Variants in SP140 observed in about 807,000 individuals in gnomAD.
SP140 encodes the protein SP140 nuclear body protein, also known as nuclear body protein SP140.
In SP140, 81 loss-of-function variants were observed where a neutral mutation model predicts 125.0. The ratio of observed to expected loss-of-function variants is 0.65; its 90% CI spans 0.54 to 0.78. SP140 has a LOEUF of 0.78. SP140 is among the 30% of genes least tolerant of loss of function. SP140 has a pLI of 0.00. For missense variants in SP140, 858 were observed against 1,037.0 expected, an observed-to-expected ratio of 0.83 and a Z score of 2.37; for synonymous variants, 312 against 354.0, an observed-to-expected ratio of 0.88 and a Z score of 1.33.
chr2:230,236,813 G>C (rs1245353382), intron 1 of SP140, among the ~76,000 whole-genome samples: 1 of 152,158 alleles, frequency 6.6e-6, no homozygotes, highest in Non-Finnish European at 1.5e-5. Context: ...AGAGAGTTCA[G>C]GTGAAGGTCT....
chr2:230,225,992 CTACAGGTA>C (rs2046279636), intron 1 of SP140, 89 bp downstream of exon 1: 1 of 969,148 alleles, frequency 1.0e-6, no homozygotes, highest in East Asian at 2.5e-5. Context: ...CAGCTTCACT[CTACAGGTA>C]TACAATAGAA....
chr2:230,314,076 C>G (rs1167848248), downstream of SP140, among the ~76,000 whole-genome samples: 1 of 152,122 alleles, frequency 6.6e-6, no homozygotes, highest in African/African-American at 2.4e-5. Flanking sequence ...AGTCAAACTT[C>G]AGAGAAGACT....
At chr2:230,310,627 C>T in intron 23 of SP140, 116 bp from the exon 24 acceptor site, 1 of 1,575,260 alleles carries the variant, frequency 6.3e-7, no homozygotes, top group Non-Finnish European at 8.6e-7. Context: ...GAGGTGTTCC[C>T]CTCCCTCCCA....
chr2:230,199,153 T>A (rs1224585307), upstream of SP140, among the ~76,000 whole-genome samples: 755 of 107,818 alleles, frequency 7.0e-3, 5 homozygotes, highest in African/African-American at 0.028. Flanking sequence ...TTATTATTTT[T>A]TTTTTTTTTT....
At chr2:230,269,788 A>C (rs914578047) in intron 13 of SP140, 49 bp from the exon 14 acceptor site, 3 of 1,431,372 alleles carry the variant, frequency 2.1e-6, no homozygotes, top group Non-Finnish European at 2.9e-6. Context: ...CAGAAAATAG[A>C]GTCACTGGGT....
chr2:230,210,668 A>G (rs975268344), intron 1 of SP140, among the ~76,000 whole-genome samples: 39 of 152,330 alleles, frequency 2.6e-4, no homozygotes, highest in African/African-American at 9.1e-4. Context: ...TTTTTGCTGC[A>G]CAAAGAAAGA....
chr2:230,265,239 G>A (rs2052897699), intron 12 of SP140, among the ~76,000 whole-genome samples: 1 of 152,034 alleles, frequency 6.6e-6, no homozygotes, highest in Non-Finnish European at 1.5e-5. Flanking sequence ...GGTTGTCAGG[G>A]AAATGGGGGA....
intron 12 of SP140, among the ~76,000 whole-genome samples, chr2:230,257,041 C>CAG (rs567532515): frequency 8.2e-4 from 124 of 152,128 alleles, no homozygotes; most frequent in Non-Finnish European, 1.3e-3. Context: ...AAAGAAAGAG[C>CAG]AGAGACCAGT....
chr2:230,256,872 T>G (rs1233107527), intron 12 of SP140, among the ~76,000 whole-genome samples: 1 of 152,210 alleles, frequency 6.6e-6, no homozygotes, highest in African/African-American at 2.4e-5. Context: ...CATTATGTCA[T>G]TGGATCATGC....
chr2:230,293,640 AACAGTATTTTAG>A (rs1400267923), intron 20 of SP140, among the ~76,000 whole-genome samples: 2 of 152,010 alleles, frequency 1.3e-5, no homozygotes, highest in Non-Finnish European at 2.9e-5. Flanking sequence ...CCCGCCATAA[AACAGTATTTTAG>A]ACAGCCACGG....
At chr2:230,233,763 C>T (rs1946410) in intron 1 of SP140, among the ~76,000 whole-genome samples, 26,515 of 152,052 alleles carry the variant, frequency 0.17, 2,424 homozygotes, top group Middle Eastern at 0.26. Flanking sequence ...CATTTTTATA[C>T]GTCTTTTAAA....
At chr2:230,285,073 G>A (rs1273711989) in intron 16 of SP140, among the ~76,000 whole-genome samples, 1 of 152,160 alleles carries the variant, frequency 6.6e-6, no homozygotes, top group East Asian at 1.9e-4. Context: ...AAGACTAGGA[G>A]AATATTTTTG....
intron 15 of SP140, among the ~76,000 whole-genome samples, chr2:230,283,376 C>T (rs994170581): frequency 2.0e-5 from 3 of 152,138 alleles, no homozygotes; most frequent in South Asian, 2.1e-4. Flanking sequence ...TTTCCATCTA[C>T]AAAATTAGAT....
chr2:230,225,111 G>T (rs1371407866), upstream of SP140, among the ~76,000 whole-genome samples: 1 of 152,154 alleles, frequency 6.6e-6, no homozygotes, highest in Non-Finnish European at 1.5e-5. Context: ...TGAGAAGGCT[G>T]TCACTCTCCT....
intron 18 of SP140, among the ~76,000 whole-genome samples, chr2:230,288,504 TC>T (rs1363106784): frequency 2.1e-4 from 25 of 121,708 alleles, no homozygotes; most frequent in African/African-American, 7.0e-4. Flanking sequence ...TTTCTTTCTT[TC>T]TTTCTTTCTT....
Position 230,310,779 on chromosome 2 carries a change from G to A in SP140, c.2211G>A (p.Glu737=), listed in dbSNP as rs1355765865. ...ATTGCATCTTCTGCAGGATGAAGGAGTCTCCGGGAAGCCAACAGTGTTGTC... is the reference window on the plus strand; with the variant it reads ...ATTGCATCTTCTGCAGGATGAAGGAATCTCCGGGAAGCCAACAGTGTTGTC... ...PWNCIFCRMK[E]SPGSQQCCQE... is the part of the protein sequence containing the mutation. Residue 737 remains glutamate (E), a synonymous_variant, in exon 24 of 27, where the codon GAG becomes GAA. Transcript: ENST00000392045. 3 of 1,534,064 alleles carry A rather than the reference G, an allele frequency of 2.0e-6. No individual in the cohort carries two copies. The highest frequency in any genetic ancestry group is 2.4e-5 in the South Asian group (2 of 84,484).
intron 3 of SP140, chr2:230,215,139 T>C: frequency 2.5e-6 from 4 of 1,597,302 alleles, no homozygotes; most frequent in Non-Finnish European, 3.4e-6. Flanking sequence ...GGAGTGAAGG[T>C]TTTTATAAAT....
intron 22 of SP140, among the ~76,000 whole-genome samples, 164 bp downstream of exon 22, chr2:230,297,626 G>T (rs13405136): frequency 0.54 from 82,136 of 152,014 alleles, 23,259 homozygotes; most frequent in South Asian, 0.69. Context: ...ATGTGCCTGG[G>T]CCTTGGATGT....
chr2:230,279,727 C>G (rs905619847), intron 15 of SP140, among the ~76,000 whole-genome samples: 6 of 152,016 alleles, frequency 3.9e-5, no homozygotes, highest in Admixed American at 3.3e-4. Flanking sequence ...TTTCATCACC[C>G]CAAAGTCCAC....
Sources: gnomAD v4.1 joint callset for allele counts (sites outside exome capture counted in the v4.1 genomes callset) on GRCh38, gnomAD v4.1.1 for gene constraint, MANE v1.5 for transcripts, NCBI Gene and HGNC (gene_info 2026-07-23, HGNC 2026-07-21) for gene names.